CIITA: variants seen among roughly 807,000 people sequenced by gnomAD.
CIITA encodes the protein class II major histocompatibility complex transactivator.
CIITA carries 72 observed loss-of-function variants against 115.1 expected under a neutral mutation model. The observed-to-expected ratio is 0.63, with a 90% CI of 0.52 to 0.76. CIITA has a LOEUF of 0.76. Among genes scored for constraint, CIITA ranks in the 30% least tolerant of loss-of-function variants. CIITA has a pLI of 0.00. For missense variants in CIITA, 1,617 were observed against 1,463.8 expected (o/e 1.10, Z -1.71); for synonymous variants, 763 against 635.6 (o/e 1.20, Z -3.02).
At position 10,889,559 on chromosome 16, in the gene CIITA, G is replaced by A. The variant is rs146256173; in HGVS notation, c.53-5723G>A. On this transcript the variant is annotated intron_variant, in intron 1 of 19. Transcript: ENST00000324288. ...TTTTGAGATGGTATCTCACTTTGTCGCCCAGGCTGGAGTGCAGTGGCGCAG... is the reference window on the plus strand; with the variant it reads ...TTTTGAGATGGTATCTCACTTTGTCACCCAGGCTGGAGTGCAGTGGCGCAG... Among the ~76,000 whole-genome samples the A allele has an allele frequency of 6.8e-3, 1,032 of 150,876 alleles. 11 individuals are homozygous for A. Among genetic ancestry groups the A allele is most frequent in the African/African-American group, 0.024 (979 of 40,992 alleles).
chr16:10,902,871 C>T lies in CIITA; in HGVS notation c.772+70C>T, dbSNP rs1182987077. On this transcript the variant is annotated intron_variant, in intron 8 of 19. Transcript: ENST00000324288. Reference sequence around the variant, plus strand: ...GACTGCTCCCTGACCTCATCCTCCCCATACTCCATGCACTTGGCAGTGGTG... The same window carrying T: ...GACTGCTCCCTGACCTCATCCTCCCTATACTCCATGCACTTGGCAGTGGTG... 3.2e-6 allele frequency: 5 copies of T among 1,577,442 alleles called. No homozygotes were observed. The Admixed American group carries it at 8.3e-5, about 26-fold the overall frequency.
Position 10,906,848 on chromosome 16 carries a change from C to T in CIITA, c.1356C>T (p.Pro452=). The change falls in exon 11 of 20, where the codon CCC becomes CCT. Residue 452 remains proline (P), a synonymous_variant. Transcript: ENST00000324288. ...AGTACGACTTTGTCTTCTCTGTCCC[C>T]TGCCATTGCTTGAACCGTCCGGGGG... The part of the protein sequence containing the change: ...LPQYDFVFSV[P]CHCLNRPGDA... The T allele has an allele frequency of 6.2e-7, 1 of 1,613,424 alleles. No individual in the cohort carries two copies. The highest frequency in any genetic ancestry group is 2.2e-5 in the East Asian group (1 of 44,890).
chr16:10,927,739 A>G lies in CIITA; in HGVS notation c.*3884A>G, dbSNP rs566146687. 1 of 152,318 alleles carries G rather than the reference A, an allele frequency of 6.6e-6. No individual in the cohort carries two copies. The highest frequency in any genetic ancestry group is 1.9e-4 in the East Asian group (1 of 5,172). The allele number at this position is 152,318 out of a possible 1,614,324, so 9.4% of individuals were successfully genotyped here. A position where few individuals can be genotyped will look rare whatever the true frequency, so the allele number is the denominator to read the frequency against. ...AACGCACAGTCATCGTAAGATGTGGATAAATTACTGTCTCCGTGTCACAGA... is the reference window on the plus strand; with the variant it reads ...AACGCACAGTCATCGTAAGATGTGGGTAAATTACTGTCTCCGTGTCACAGA... On this transcript the variant is annotated 3_prime_UTR_variant, in exon 20 of 20. Transcript: ENST00000324288.
At chr16:10,899,120 G>T in intron 5 of CIITA, 118 bp downstream of exon 5, 1 of 981,754 alleles carries the variant, frequency 1.0e-6, no homozygotes, top group Non-Finnish European at 1.6e-6. Flanking sequence ...TGGTTGGGAG[G>T]CCCTTTAAAA....
chr16:10,909,159 G>C lies in CIITA; in HGVS notation c.2788G>C (p.Asp930His). The change falls in exon 12 of 20, where the codon GAC becomes CAC. Residue 930 changes from aspartate to histidine, a missense_variant. Coordinates refer to ENST00000324288, the MANE Select transcript of CIITA (RefSeq NM_000246.4). ...FKAKSLKDVE[D>H]LGKLVQTQRT... ...AGCCAAGTCCCTGAAGGATGTGGAA[G>C]ACCTGGGAAAGCTTGTGCAGACTCA... The C allele has an allele frequency of 6.2e-7, 1 of 1,614,238 alleles. No homozygotes were observed. The highest frequency in any genetic ancestry group is 8.5e-7 in the Non-Finnish European group (1 of 1,180,048).
chr16:10,933,998 C>A lies in CIITA; in HGVS notation c.*10143C>A, dbSNP rs1055138430. The stretch of plus-strand genomic sequence containing the variant: ...GAAGCTGCCTGTCTCTGCACAGGTC[C>A]ATGTCCCTGAGGAAAGCCAACGTCA... On this transcript the variant is annotated 3_prime_UTR_variant, in exon 20 of 20. Coordinates refer to ENST00000324288, the MANE Select transcript of CIITA (RefSeq NM_000246.4). 6.6e-6 allele frequency: 1 copy of A among 152,232 alleles called. No homozygotes were observed. Among genetic ancestry groups the A allele is most frequent in the Non-Finnish European group, 1.5e-5 (1 of 68,048 alleles). The allele number at this position is 152,232 out of a possible 1,614,324, so 9.4% of individuals were successfully genotyped here.
At chr16:10,886,848 C>G (rs571020229) in intron 1 of CIITA, among the ~76,000 whole-genome samples, 1 of 152,302 alleles carries the variant, frequency 6.6e-6, no homozygotes, top group African/African-American at 2.4e-5. Context: ...AAGATTTGAA[C>G]CCAGAGCCTG....
chr16:10,917,052 G>C (rs1288193655), intron 15 of CIITA: 2 of 229,652 alleles, frequency 8.7e-6, no homozygotes, highest in African/African-American at 4.4e-5. Flanking sequence ...ATACTGGGGG[G>C]TGAAATAGGA....
At position 10,898,983 on chromosome 16, in the gene CIITA, G is replaced by A. The variant is rs1310154158; in HGVS notation, c.417G>A (p.Gly139=). ...GESMEMPAEV[G]QKSQKRPFPE... ...GTATGGAGATGCCAGCAGAAGTTGG[G>A]CAGAAAAGTCAGAAAAGACGTGAGT... The change falls in exon 5 of 20, where the codon GGG becomes GGA. Residue 139 remains glycine (G), a synonymous_variant. Coordinates refer to ENST00000324288, the MANE Select transcript of CIITA (RefSeq NM_000246.4). 3.1e-6 allele frequency: 5 copies of A among 1,613,948 alleles called. No individual in the cohort carries two copies. Among genetic ancestry groups the A allele is most frequent in the Admixed American group, 3.3e-5 (2 of 60,002 alleles).
upstream of CIITA, among the ~76,000 whole-genome samples, chr16:10,875,926 C>T (rs935668046): frequency 1.3e-5 from 2 of 151,952 alleles, no homozygotes; most frequent in African/African-American, 2.4e-5. Flanking sequence ...GCCAAGATAG[C>T]GCCACTGCAG....
At chr16:10,902,571 G>T (rs943020267) in intron 7 of CIITA, 87 bp from the exon 8 acceptor site, 3 of 1,547,980 alleles carry the variant, frequency 1.9e-6, no homozygotes, top group Non-Finnish European at 2.7e-6. Flanking sequence ...CCTTTAGGGG[G>T]GTCAGACATT....
At chr16:10,895,478 T>C (rs769729634) in intron 2 of CIITA, 50 bp downstream of exon 2, 91 of 1,609,250 alleles carry the variant, frequency 5.7e-5, no homozygotes, top group Non-Finnish European at 7.3e-5. Flanking sequence ...CCCCTCAGCT[T>C]GCTGTAGAGA....
At chr16:10,887,697 G>T (rs915247797) in intron 1 of CIITA, among the ~76,000 whole-genome samples, 6 of 152,132 alleles carry the variant, frequency 3.9e-5, no homozygotes, top group African/African-American at 1.4e-4. Context: ...GTTTCACCAT[G>T]CTGGTCAGGC....
intron 2 of CIITA, 91 bp from the exon 3 acceptor site, chr16:10,895,578 G>GC: frequency 1.3e-6 from 2 of 1,566,810 alleles, no homozygotes; most frequent in Non-Finnish European, 1.7e-6. Flanking sequence ...AGATGGGGAT[G>GC]ATCTCCCAGC....
intron 8 of CIITA, among the ~76,000 whole-genome samples, chr16:10,903,075 T>A (rs1301033948): frequency 1.3e-5 from 2 of 152,240 alleles, no homozygotes; most frequent in East Asian, 1.9e-4. Flanking sequence ...CTTATTTTTT[T>A]TAAATGTTTT....
Position 10,907,082 on chromosome 16 carries a change from C to T in CIITA, c.1590C>T (p.Ala530=), listed in dbSNP as rs765568149. 67 of 1,607,868 alleles carry T rather than the reference C, an allele frequency of 4.2e-5. No homozygotes were observed. The highest frequency in any genetic ancestry group is 5.4e-5 in the Non-Finnish European group (64 of 1,179,774). The change falls in exon 11 of 20, where the codon GCC becomes GCT. Residue 530 remains alanine, a synonymous_variant. Coordinates refer to ENST00000324288, the MANE Select transcript of CIITA (RefSeq NM_000246.4). This position sits in a 1 kb window ranked among gnomAD's most constrained non-coding sequence, Gnocchi z 5.0. ...AEPCSLRGLL[A]GLFQKKLLRG... ...CCTGCTCCCTCCGGGGGCTGCTGGC[C>T]GGCCTTTTCCAGAAGAAGCTGCTCC... is the stretch of plus-strand genomic sequence containing the variant.
chr16:10,898,650 G>C lies in CIITA; in HGVS notation c.296-20G>C. The stretch of plus-strand genomic sequence containing the variant: ...CAGTTAGACCTTGTTGATTGACTGC[G>C]CTTTTCCTTGTCTGGGCAGCGGAAC... On this transcript the variant is annotated intron_variant, in intron 3 of 19. Transcript: ENST00000324288. The C allele has an allele frequency of 6.2e-7, 1 of 1,601,244 alleles. No individual in the cohort carries two copies. The highest frequency in any genetic ancestry group is 2.3e-5 in the East Asian group (1 of 44,286).
At chr16:10,904,858 C>T (rs372955341) in intron 10 of CIITA, 46 bp downstream of exon 10, 26 of 1,595,432 alleles carry the variant, frequency 1.6e-5, no homozygotes, top group Non-Finnish European at 2.0e-5. Flanking sequence ...GAGATGGAAG[C>T]CCATATCTGG....
At chr16:10,904,284 C>T (rs1381741046) in intron 9 of CIITA, among the ~76,000 whole-genome samples, 7 of 152,220 alleles carry the variant, frequency 4.6e-5, no homozygotes, top group African/African-American at 7.2e-5. Flanking sequence ...TGCAGTGGTG[C>T]GATCTCAGAT....
Sources: allele counts gnomAD v4.1 joint callset (sites outside exome capture counted in the v4.1 genomes callset), GRCh38; gene constraint gnomAD v4.1.1; non-coding constraint Gnocchi (gnomAD v3.1); transcripts MANE v1.5; gene names NCBI Gene and HGNC (gene_info 2026-07-23, HGNC 2026-07-21).